MAP3K15: variants seen among roughly 807,000 people sequenced by gnomAD.
MAP3K15 encodes the protein MAPK/ERK kinase kinase 15.
A neutral mutation model predicts 99.5 loss-of-function variants in MAP3K15; 124 were observed. The observed-to-expected ratio is 1.25, with a 90% CI of 1.08 to 1.45. MAP3K15 has a LOEUF of 1.45. Among genes scored for constraint, MAP3K15 ranks in the 40% most tolerant of loss-of-function variants. The probability of loss-of-function intolerance (pLI) is 0.00; values close to 1 mark genes in which losing one functional copy is unlikely to be tolerated. For missense variants in MAP3K15, 1,242 were observed against 1,079.7 expected (o/e 1.15, Z -2.11); for synonymous variants, 494 against 439.6 (o/e 1.12, Z -1.55).
intron 1 of MAP3K15, among the ~76,000 whole-genome samples, chrX:19,490,180 C>CAT (rs1555966359): frequency 1.1e-5 from 1 of 95,105 alleles, no homozygotes; most frequent in Non-Finnish European, 2.2e-5. Flanking sequence ...CACACACACA[C>CAT]ACACATACAT....
chrX:19,465,612 G>T (rs754547556), intron 3 of MAP3K15, among the ~76,000 whole-genome samples: 3 of 108,761 alleles, frequency 2.8e-5, no homozygotes, highest in Admixed American at 9.9e-5. Flanking sequence ...AAATTAACCG[G>T]GTGTGGTAGC....
chrX:19,392,880 G>A (rs939163210), intron 16 of MAP3K15, among the ~76,000 whole-genome samples: 25 of 110,259 alleles, frequency 2.3e-4, no homozygotes, highest in Admixed American at 8.7e-4. Context: ...TTCTGCTTGG[G>A]TTAAAGCCAC....
At chrX:19,431,834 C>T (rs1160965631) in intron 6 of MAP3K15, among the ~76,000 whole-genome samples, 1 of 110,602 alleles carries the variant, frequency 9.0e-6, no homozygotes, top group African/African-American at 3.3e-5. Flanking sequence ...ATCCCAGCTA[C>T]TTGGGAGTAT....
At chrX:19,508,432 G>A (rs1466337729) in intron 1 of MAP3K15, among the ~76,000 whole-genome samples, 5 of 112,346 alleles carry the variant, frequency 4.5e-5, no homozygotes, top group African/African-American at 9.7e-5. Flanking sequence ...TCAGTCTCCC[G>A]AAGTGCTGGT....
intron 10 of MAP3K15, among the ~76,000 whole-genome samples, chrX:19,414,031 T>C (rs942699922): frequency 9.3e-6 from 1 of 107,837 alleles, no homozygotes; most frequent in Non-Finnish European, 1.9e-5. Flanking sequence ...TGTGGTGGTA[T>C]ACACCTGTAA....
intron 3 of MAP3K15, chrX:19,482,317 C>A (rs2064297084): frequency 9.1e-6 from 1 of 110,384 alleles, no homozygotes. Context: ...TTCATAATAG[C>A]CAGAAAGTAG....
intron 9 of MAP3K15, among the ~76,000 whole-genome samples, chrX:19,423,196 GA>G (rs768636191): frequency 9.2e-6 from 1 of 108,900 alleles, no homozygotes; most frequent in African/African-American, 3.3e-5. Flanking sequence ...AGAAAAAAAA[GA>G]AAAAAAAAGA....
At chrX:19,423,468 G>T (rs935772876) in intron 9 of MAP3K15, among the ~76,000 whole-genome samples, 34 of 111,777 alleles carry the variant, frequency 3.0e-4, no homozygotes, top group African/African-American at 1.1e-3. Flanking sequence ...CAGGCAAACT[G>T]AACTTTTTGG....
At chrX:19,503,520 G>A (rs759460630) in intron 1 of MAP3K15, among the ~76,000 whole-genome samples, 25 of 111,819 alleles carry the variant, frequency 2.2e-4, no homozygotes, top group African/African-American at 8.1e-4. Context: ...CCACCTCCTG[G>A]GTTCAAGTGA....
At chrX:19,448,563 CT>C (rs764796726) in intron 6 of MAP3K15, among the ~76,000 whole-genome samples, 50 of 107,670 alleles carry the variant, frequency 4.6e-4, no homozygotes, top group East Asian at 1.7e-3. Context: ...AGGTCCCCCC[CT>C]GTCCCCGAAA....
At chrX:19,510,780 T>C (rs2064512404) in intron 1 of MAP3K15, among the ~76,000 whole-genome samples, 1 of 112,038 alleles carries the variant, frequency 8.9e-6, no homozygotes. Flanking sequence ...CATGATTGTA[T>C]ATTTAGAAAA....
In MAP3K15 at chrX:19,457,481, G is replaced by A. The variant is rs574527476; in HGVS notation, c.889-462C>T. On this transcript the variant is annotated intron_variant, in intron 5 of 28. Transcript: ENST00000338883. ...ACAAAATATAGCTGGGCATGGTGGCGGGCGCCTGGAATCCCAGCTACTCGA... is the reference window on the plus strand; with the variant it reads ...ACAAAATATAGCTGGGCATGGTGGCAGGCGCCTGGAATCCCAGCTACTCGA... Among the ~76,000 whole-genome samples, 55 of 111,159 alleles carry A rather than the reference G, an allele frequency of 4.9e-4. No homozygotes were observed. The South Asian group carries it at 8.9e-3, about 18-fold the overall frequency.
intron 1 of MAP3K15, among the ~76,000 whole-genome samples, chrX:19,499,073 A>G (rs2064424958): frequency 8.9e-6 from 1 of 112,095 alleles, no homozygotes; most frequent in Admixed American, 9.5e-5. Context: ...ACCTCTCATA[A>G]TTCAATAATA....
chrX:19,447,425 A>C (rs998748797), intron 6 of MAP3K15, among the ~76,000 whole-genome samples: 1 of 111,974 alleles, frequency 8.9e-6, no homozygotes, highest in African/African-American at 3.2e-5. Context: ...ATATACTACA[A>C]AGTGTTCAAA....
chrX:19,423,379 A>AT (rs2063803134), intron 9 of MAP3K15, among the ~76,000 whole-genome samples: 1 of 73,329 alleles, frequency 1.4e-5, no homozygotes, highest in African/African-American at 5.6e-5. Flanking sequence ...ACTGTCTTTT[A>AT]TTTTTTGAAA....
chrX:19,405,405 C>G (rs2063640694), intron 13 of MAP3K15, among the ~76,000 whole-genome samples: 2 of 111,450 alleles, frequency 1.8e-5, no homozygotes, highest in South Asian at 7.5e-4. Flanking sequence ...AAATCCAAGT[C>G]AAAGGACTAC....
chrX:19,454,359 C>T (rs1275582172), intron 6 of MAP3K15, among the ~76,000 whole-genome samples: 1 of 112,037 alleles, frequency 8.9e-6, no homozygotes, highest in Non-Finnish European at 1.9e-5. Context: ...ATTCTGACTA[C>T]ATTCATATAT....
chrX:19,431,415 C>G lies in MAP3K15; in HGVS notation c.1166+23G>C, dbSNP rs7059993. 12,658 of 1,191,571 alleles carry G rather than the reference C, an allele frequency of 0.011. 743 individuals carry two copies. In the African/African-American group the frequency reaches 0.18, roughly 17 times the overall value. On this transcript the variant is annotated intron_variant, in intron 7 of 28. Transcript: ENST00000338883. ...TGTTCCTTGAAGAGATGCAAGTGCT[C>G]ATAACTCGGGCTGAGGGTTTACCAC... is the stretch of plus-strand genomic sequence containing the variant.
At chrX:19,469,494 G>C (rs1323895332) in intron 3 of MAP3K15, among the ~76,000 whole-genome samples, 2 of 111,100 alleles carry the variant, frequency 1.8e-5, no homozygotes, top group Non-Finnish European at 3.8e-5. Flanking sequence ...GCATGGGCAA[G>C]GACTTCATGT....
Sources: allele counts gnomAD v4.1 joint callset (sites outside exome capture counted in the v4.1 genomes callset), GRCh38; gene constraint gnomAD v4.1.1; transcripts MANE v1.5; gene names NCBI Gene and HGNC (gene_info 2026-07-23, HGNC 2026-07-21).